The following SYT9 variants were observed in gnomAD, a reference collection of about 807,000 sequenced individuals.
SYT9 encodes the protein synaptotagmin-9.
Under a neutral mutation model 48.4 loss-of-function variants are expected in SYT9, and 22 were observed. The observed-to-expected ratio is 0.45, with a 90% CI of 0.32 to 0.65. The LOEUF is 0.65. SYT9 is among the 30% of genes least tolerant of loss of function. SYT9 has a pLI of 0.03. For synonymous variants in SYT9, 265 were observed against 245.0 expected (o/e 1.08, Z -0.76); for missense variants, 577 against 622.0 (o/e 0.93, Z 0.77).
chr11:7,460,174 A>G (rs1266537743), intron 6 of SYT9, among the ~76,000 whole-genome samples: 2 of 152,202 alleles, frequency 1.3e-5, no homozygotes, highest in Non-Finnish European at 2.9e-5. Flanking sequence ...CATAATGTTA[A>G]CTGTTATAAT....
chr11:7,354,039 G>T (rs1293119951), intron 3 of SYT9, among the ~76,000 whole-genome samples: 1 of 152,160 alleles, frequency 6.6e-6, no homozygotes, highest in Non-Finnish European at 1.5e-5. Flanking sequence ...ATCATTAATA[G>T]TAATGATTGA....
At chr11:7,398,575 A>G (rs922914802) in intron 3 of SYT9, among the ~76,000 whole-genome samples, 2 of 151,982 alleles carry the variant, frequency 1.3e-5, no homozygotes, top group Non-Finnish European at 2.9e-5. Flanking sequence ...ACGCCCAGCT[A>G]ATTTTTTTGT....
At chr11:7,409,477 T>G (rs1348907671) in intron 3 of SYT9, among the ~76,000 whole-genome samples, 1 of 152,160 alleles carries the variant, frequency 6.6e-6, no homozygotes. Context: ...TTGGTAAATT[T>G]CAGCTGTTCA....
intron 3 of SYT9, among the ~76,000 whole-genome samples, chr11:7,386,355 C>A (rs902122298): frequency 1.3e-5 from 2 of 151,654 alleles, no homozygotes; most frequent in African/African-American, 4.8e-5. Flanking sequence ...TCAGAGTGAA[C>A]AGTCAACCTA....
At chr11:7,344,979 G>C (rs570911649) in intron 3 of SYT9, among the ~76,000 whole-genome samples, 1 of 148,674 alleles carries the variant, frequency 6.7e-6, no homozygotes, top group Non-Finnish European at 1.5e-5. Context: ...TTTTTATTGG[G>C]GTTGCATTAA....
chr11:7,432,186 G>C (rs962103648), intron 6 of SYT9, among the ~76,000 whole-genome samples: 1 of 152,162 alleles, frequency 6.6e-6, no homozygotes, highest in Non-Finnish European at 1.5e-5. Context: ...AGGCCTTGGG[G>C]GCCCACCCTT....
At chr11:7,306,002 G>C (rs1274738088) in intron 2 of SYT9, among the ~76,000 whole-genome samples, 1 of 152,070 alleles carries the variant, frequency 6.6e-6, no homozygotes, top group East Asian at 1.9e-4. Context: ...GAATGTTTCT[G>C]GTCAGAATGA....
At chr11:7,354,799 T>C (rs2134007929) in intron 3 of SYT9, among the ~76,000 whole-genome samples, 1 of 152,216 alleles carries the variant, frequency 6.6e-6, no homozygotes, top group South Asian at 2.1e-4. Flanking sequence ...AGTTGAAATA[T>C]ATCTGTCATC....
At chr11:7,380,571 C>CT (rs1309323526) in intron 3 of SYT9, among the ~76,000 whole-genome samples, 2 of 151,476 alleles carry the variant, frequency 1.3e-5, no homozygotes, top group Admixed American at 1.3e-4. Context: ...TATATACCTA[C>CT]TTTGCACCCA....
chr11:7,270,200 A>T (rs1438815847), intron 1 of SYT9, among the ~76,000 whole-genome samples: 4 of 152,130 alleles, frequency 2.6e-5, no homozygotes, highest in African/African-American at 9.7e-5. Flanking sequence ...ATAAATATAT[A>T]TTTTAAACCA....
chr11:7,329,343 A>G (rs147222445), intron 3 of SYT9, among the ~76,000 whole-genome samples: 1 of 152,264 alleles, frequency 6.6e-6, no homozygotes, highest in East Asian at 1.9e-4. Context: ...ATTTAAATTG[A>G]TGTAATTTTC....
At chr11:7,430,885 C>T (rs1292831615) in intron 6 of SYT9, among the ~76,000 whole-genome samples, 1 of 152,158 alleles carries the variant, frequency 6.6e-6, no homozygotes, top group Non-Finnish European at 1.5e-5. Flanking sequence ...CCAATTAAAC[C>T]TCCTTTCTTT....
chr11:7,324,429 T>G (rs1167922631), intron 3 of SYT9, among the ~76,000 whole-genome samples: 2 of 151,862 alleles, frequency 1.3e-5, no homozygotes, highest in Non-Finnish European at 2.9e-5. Context: ...TTTTCTTTCT[T>G]TTTTCTTTAG....
intron 3 of SYT9, among the ~76,000 whole-genome samples, chr11:7,362,148 T>A (rs185032499): frequency 7.5e-4 from 113 of 150,548 alleles, no homozygotes; most frequent in African/African-American, 2.3e-3. Context: ...TTTTATTTTT[T>A]TTTTATTTTT....
At chr11:7,464,899 A>T (rs548192005) in intron 6 of SYT9, among the ~76,000 whole-genome samples, 2 of 151,688 alleles carry the variant, frequency 1.3e-5, no homozygotes, top group African/African-American at 4.8e-5. Flanking sequence ...TGGCTAACAC[A>T]GTGAAACCCC....
chr11:7,296,882 A>C (rs751022121), intron 1 of SYT9, among the ~76,000 whole-genome samples: 9 of 152,114 alleles, frequency 5.9e-5, no homozygotes, highest in Non-Finnish European at 1.2e-4. Context: ...GTCTGGTCCC[A>C]CCTGTTTCCA....
At chr11:7,347,686 C>T (rs1401149612) in intron 3 of SYT9, among the ~76,000 whole-genome samples, 1 of 152,176 alleles carries the variant, frequency 6.6e-6, no homozygotes, top group East Asian at 1.9e-4. Context: ...AAGGTTTCCT[C>T]TTGTTTCACA....
chr11:7,377,071 G>A (rs1401680455), intron 3 of SYT9, among the ~76,000 whole-genome samples: 1 of 149,572 alleles, frequency 6.7e-6, no homozygotes, highest in African/African-American at 2.5e-5. Context: ...CTTTGAATGA[G>A]AGTTGAGTGG....
rs1224812108 is a variant in SYT9, at chr11:7,262,180, T to C, written c.145+9849T>C. ...ACAACATTTACTAATAGATGGATATTGAGTGTGAAAGACAGAGAGGAGTCA... is the reference window on the plus strand; with the variant it reads ...ACAACATTTACTAATAGATGGATATCGAGTGTGAAAGACAGAGAGGAGTCA... On this transcript the variant is annotated intron_variant, in intron 1 of 6. Coordinates refer to ENST00000318881, the MANE Select transcript of SYT9 (RefSeq NM_175733.4). Among the ~76,000 whole-genome samples the C allele has an allele frequency of 2.6e-5, 4 of 152,126 alleles. No individual in the cohort carries two copies. In the East Asian group the frequency reaches 7.7e-4, roughly 29 times the overall value.
Sources: gnomAD v4.1 joint callset for allele counts (sites outside exome capture counted in the v4.1 genomes callset) on GRCh38, gnomAD v4.1.1 for gene constraint, MANE v1.5 for transcripts, NCBI Gene and HGNC (gene_info 2026-07-23, HGNC 2026-07-21) for gene names.